TMTC2: variants seen among roughly 807,000 people sequenced by gnomAD.
TMTC2 encodes the protein protein O-mannosyl-transferase TMTC2.
In TMTC2, 43 loss-of-function variants were observed where a neutral mutation model predicts 82.4. The ratio of observed to expected loss-of-function variants is 0.52; its 90% confidence interval spans 0.41 to 0.67. The LOEUF (loss-of-function observed/expected upper bound fraction) is 0.67, where lower values mean the gene tolerates loss of function less well. Ranked by LOEUF, TMTC2 falls within the 30% of genes least tolerant of loss-of-function variation. The probability of loss-of-function intolerance (pLI) is 0.00; values close to 1 mark genes in which losing one functional copy is unlikely to be tolerated. For missense variants in TMTC2, 919 were observed against 1,012.4 expected (o/e 0.91, Z 1.25); for synonymous variants, 408 against 381.9 (o/e 1.07, Z -0.80).
At chr12:82,768,493 G>A (rs1338234952) in intron 1 of TMTC2, among the ~76,000 whole-genome samples, 3 of 152,084 alleles carry the variant, frequency 2.0e-5, no homozygotes, top group African/African-American at 7.2e-5. Context: ...TGGCCTGTCC[G>A]CACTTCCAGC....
rs543068112 is a variant in TMTC2, at chr12:82,874,520, G to C, written c.654+16940G>C. ...CTCATTTCTATGAACAAAAGATTAA[G>C]TTCCAAAGTGCTTATGTTTTTTTGA... On this transcript the variant is annotated intron_variant, in intron 2 of 11. Transcript: ENST00000321196. Among the ~76,000 whole-genome samples the C allele has an allele frequency of 2.0e-5, 3 of 152,234 alleles. No individual in the cohort carries two copies. The South Asian group carries it at 6.2e-4, about 32-fold the overall frequency.
intron 11 of TMTC2, among the ~76,000 whole-genome samples, chr12:83,110,231 C>A: frequency 6.6e-6 from 1 of 152,158 alleles, no homozygotes; most frequent in Non-Finnish European, 1.5e-5. Context: ...CTCTTCATTT[C>A]TTCGCTAGAT....
chr12:82,753,062 A>G (rs1327808004), intron 1 of TMTC2, among the ~76,000 whole-genome samples: 3 of 152,214 alleles, frequency 2.0e-5, no homozygotes, highest in East Asian at 1.9e-4. Flanking sequence ...TTAAGCCAAT[A>G]AGATAGAAAT....
At chr12:82,895,352 A>G (rs1234424786) in intron 2 of TMTC2, among the ~76,000 whole-genome samples, 1 of 152,172 alleles carries the variant, frequency 6.6e-6, no homozygotes, top group African/African-American at 2.4e-5. Context: ...CTGCCATACC[A>G]CATATTTTTT....
intron 1 of TMTC2, among the ~76,000 whole-genome samples, chr12:82,815,566 C>A (rs1030960026): frequency 2.0e-5 from 3 of 152,026 alleles, no homozygotes; most frequent in Non-Finnish European, 2.9e-5. Context: ...CCCACTTCGG[C>A]CTCCCAAAGT....
At chr12:82,763,869 C>G (rs1309140375) in intron 1 of TMTC2, among the ~76,000 whole-genome samples, 1 of 151,560 alleles carries the variant, frequency 6.6e-6, no homozygotes, top group Non-Finnish European at 1.5e-5. Context: ...AATAGCTTCT[C>G]AAATCATTTT....
At chr12:82,904,832 T>G (rs1874203094) in intron 3 of TMTC2, among the ~76,000 whole-genome samples, 1 of 152,198 alleles carries the variant, frequency 6.6e-6, no homozygotes, top group Non-Finnish European at 1.5e-5. Flanking sequence ...GGCTCTAGTC[T>G]CTGTAGAATT....
At chr12:82,933,147 T>G (rs142644638) in intron 4 of TMTC2, among the ~76,000 whole-genome samples, 90 of 152,300 alleles carry the variant, frequency 5.9e-4, no homozygotes, top group Middle Eastern at 3.4e-3. Context: ...TAAACCACAC[T>G]TATCTGTCAC....
chr12:82,807,926 C>G (rs1359514568), intron 1 of TMTC2, among the ~76,000 whole-genome samples: 1 of 151,898 alleles, frequency 6.6e-6, no homozygotes, highest in Non-Finnish European at 1.5e-5. Flanking sequence ...ATATTTGTAG[C>G]TACCTAAAAA....
intron 2 of TMTC2, among the ~76,000 whole-genome samples, chr12:82,886,299 T>C (rs1171955546): frequency 6.6e-6 from 1 of 152,220 alleles, no homozygotes; most frequent in Non-Finnish European, 1.5e-5. Context: ...GGAGCCCTGA[T>C]ACACTTTATT....
intron 1 of TMTC2, among the ~76,000 whole-genome samples, chr12:82,701,935 C>T (rs972792896): frequency 1.3e-5 from 2 of 151,936 alleles, no homozygotes; most frequent in African/African-American, 4.8e-5. Context: ...AGATTTTTAA[C>T]TCCCCAAAAA....
At chr12:83,123,022 A>G (rs1885003176) in intron 11 of TMTC2, among the ~76,000 whole-genome samples, 1 of 152,200 alleles carries the variant, frequency 6.6e-6, no homozygotes, top group African/African-American at 2.4e-5. Context: ...AGAAATAACT[A>G]CCACCTTTGA....
At chr12:83,051,089 T>C in intron 10 of TMTC2, 71 bp downstream of exon 10, 1 of 1,045,270 alleles carries the variant, frequency 9.6e-7, no homozygotes. Flanking sequence ...AATTTTCCCA[T>C]CATACACCTT....
At chr12:82,691,494 T>C (rs1034776913) in intron 1 of TMTC2, among the ~76,000 whole-genome samples, 3 of 152,190 alleles carry the variant, frequency 2.0e-5, no homozygotes, top group Non-Finnish European at 4.4e-5. Context: ...ATAATGATTT[T>C]AATATTATTT....
Position 82,896,140 on chromosome 12 carries a change from A to G in TMTC2, c.977A>G (p.Tyr326Cys), listed in dbSNP as rs755970424. 44 of 1,613,828 alleles carry G rather than the reference A, an allele frequency of 2.7e-5. No individual in the cohort carries two copies. The South Asian group carries it at 4.1e-4, about 15-fold the overall frequency. Reference sequence around the variant, plus strand: ...ACTGGACTCCTTCTCCTTGCCTACTATGGTTTGAAGAGCCCGAGCGTAGAC... The same window carrying G: ...ACTGGACTCCTTCTCCTTGCCTACTGTGGTTTGAAGAGCCCGAGCGTAGAC... The part of the protein sequence containing the change: ...FYTGLLLLAY[Y>C]GLKSPSVDRE... Residue 326 changes from tyrosine (Y) to cysteine (C), a missense_variant, in exon 3 of 12, where the codon TAT (tyrosine) becomes TGT (cysteine). Transcript: ENST00000321196.
At chr12:83,068,200 G>C (rs1420231833) in intron 11 of TMTC2, among the ~76,000 whole-genome samples, 2 of 151,960 alleles carry the variant, frequency 1.3e-5, no homozygotes, top group African/African-American at 4.8e-5. Context: ...TGGTAGTAGG[G>C]GAATGACTGT....
intron 11 of TMTC2, 108 bp downstream of exon 11, chr12:83,061,939 T>C: frequency 1.1e-6 from 1 of 898,734 alleles, no homozygotes; most frequent in Non-Finnish European, 1.6e-6. Context: ...TTTGTTTTGT[T>C]TTGTTTTTTC....
chr12:82,965,829 C>T (rs1293621621), intron 6 of TMTC2, 85 bp downstream of exon 6: 1 of 1,491,846 alleles, frequency 6.7e-7, no homozygotes, highest in East Asian at 2.3e-5. Flanking sequence ...CTCCTTTGAG[C>T]CTATGTCCTT....
chr12:82,967,303 A>G (rs1878255606), intron 7 of TMTC2, among the ~76,000 whole-genome samples: 2 of 152,142 alleles, frequency 1.3e-5, no homozygotes, highest in South Asian at 4.1e-4. Context: ...TAAGCTATAT[A>G]TATGTAATTT....
Sources: allele counts gnomAD v4.1 joint callset (sites outside exome capture counted in the v4.1 genomes callset), GRCh38; gene constraint gnomAD v4.1.1; transcripts MANE v1.5; gene names NCBI Gene and HGNC (gene_info 2026-07-23, HGNC 2026-07-21).